The following AKR1B10 variants were observed in gnomAD, a reference collection of about 807,000 sequenced individuals.
AKR1B10 encodes aldo-keto reductase family 1 member B10.
AKR1B10 carries 39 observed loss-of-function variants against 38.9 expected under a neutral mutation model. The ratio of observed to expected loss-of-function variants is 1.00; its 90% CI spans 0.78 to 1.31. The LOEUF is 1.31. Among genes scored for constraint, AKR1B10 ranks in the 50% most tolerant of loss-of-function variants. AKR1B10 has a pLI of 0.00. For synonymous variants in AKR1B10, 148 were observed against 141.2 expected, an observed-to-expected ratio of 1.05 and a Z score of -0.34; for missense variants, 361 against 382.6, an observed-to-expected ratio of 0.94 and a Z score of 0.47.
Position 134,527,701 on chromosome 7 carries a change from C to G in AKR1B10, c.-211C>G, listed in dbSNP as rs1807717746. 1 of 426,714 alleles carries G rather than the reference C, an allele frequency of 2.3e-6. No homozygotes were observed. Among genetic ancestry groups the G allele is most frequent in the African/African-American group, 2.0e-5 (1 of 50,298 alleles). The allele number at this position is 426,714 out of a possible 1,614,324, so 26.4% of individuals were successfully genotyped here. ...TCTCTACTAACAATATAAAAATTAG[C>G]TGGGAGTCACGGTGGGCGCCTGTAA... On this transcript the variant is annotated 5_prime_UTR_variant, in exon 1 of 10. Coordinates refer to ENST00000359579, the MANE Select transcript of AKR1B10 (RefSeq NM_020299.5).
chr7:134,535,597 T>TG (rs982497955), intron 4 of AKR1B10: 43 of 940,616 alleles, frequency 4.6e-5, no homozygotes, highest in South Asian at 4.5e-4. Flanking sequence ...TTTTTTTTTT[T>TG]TTTTTTTTTT....
At chr7:134,532,158 A>T in intron 3 of AKR1B10, 134 bp downstream of exon 3, 1 of 1,089,806 alleles carries the variant, frequency 9.2e-7, no homozygotes, top group Non-Finnish European at 1.4e-6. Flanking sequence ...GCAGGTGGTC[A>T]GGAAGAGACC....
chr7:134,540,791 C>G (rs188656129), intron 9 of AKR1B10, among the ~76,000 whole-genome samples: 1 of 152,138 alleles, frequency 6.6e-6, no homozygotes, highest in Non-Finnish European at 1.5e-5. Flanking sequence ...CCTCGCCTGA[C>G]ACCAGGCTTA....
At position 134,530,696 on chromosome 7, in the gene AKR1B10, T is replaced by C. The variant is rs1807827620; in HGVS notation, c.120T>C (p.Tyr40=). 1 of 1,614,080 alleles carries C rather than the reference T, an allele frequency of 6.2e-7. No homozygotes were observed. Among genetic ancestry groups the C allele is most frequent in the Non-Finnish European group, 8.5e-7 (1 of 1,179,986 alleles). Residue 40 remains tyrosine (Y), a synonymous_variant, in exon 2 of 10, where the codon TAT becomes TAC. Coordinates refer to ENST00000359579, the MANE Select transcript of AKR1B10 (RefSeq NM_020299.5). ...TGAAGGTGGCCATTGATGCAGGATA[T>C]CGGCACATTGACTGTGCCTATGTCT... is the stretch of plus-strand genomic sequence containing the variant. ...EAVKVAIDAG[Y]RHIDCAYVYQ...
At position 134,527,580 on chromosome 7, in the gene AKR1B10, C is replaced by G. The variant is rs993086420; in HGVS notation, c.-332C>G. Reference sequence around the variant, plus strand: ...GATAGCAGCAGCCTTCTTAAGCAGCCTGTGGCCGGGCACAGTAGCTCACAC... The same window carrying G: ...GATAGCAGCAGCCTTCTTAAGCAGCGTGTGGCCGGGCACAGTAGCTCACAC... On this transcript the variant is annotated 5_prime_UTR_variant, in exon 1 of 10. Coordinates refer to ENST00000359579, the MANE Select transcript of AKR1B10 (RefSeq NM_020299.5). 3 of 178,500 alleles carry G rather than the reference C, an allele frequency of 1.7e-5. No individual in the cohort carries two copies. Among genetic ancestry groups the G allele is most frequent in the Admixed American group, 5.7e-5 (1 of 17,402 alleles). 11.1% of individuals were successfully genotyped at this position (178,500 alleles called of 1,614,324 possible).
In AKR1B10 at chr7:134,531,913, G is replaced by A. The variant is rs953989764; in HGVS notation, c.240G>A (p.Trp80Ter). The change falls in exon 3 of 10, where the codon TGG (tryptophan) becomes TGA (stop). Residue 80 changes from tryptophan (W) to a stop codon, truncating the protein, a stop_gained. Coordinates refer to ENST00000359579, the MANE Select transcript of AKR1B10 (RefSeq NM_020299.5). LOFTEE classifies it high-confidence loss of function. ...REDLFIVSKL[W>*]PTFFERPLVR... is the part of the protein sequence containing the mutation. ...CATTGCTACACTCTTTGCAGTTGTG[G>A]CCCACTTTCTTTGAGAGACCCCTTG... The A allele has an allele frequency of 1.8e-5, 29 of 1,613,924 alleles. No homozygotes were observed. Among genetic ancestry groups the A allele is most frequent in the African/African-American group, 9.3e-5 (7 of 74,904 alleles).
rs749793239 is a variant in AKR1B10, at chr7:134,538,920, C to T, written c.826-15C>T. On this transcript the variant is annotated splice_polypyrimidine_tract_variant and intron_variant, in intron 8 of 9. Transcript: ENST00000359579. ...TGGCCTTACTGATGATGTATTGGAA[C>T]TCCTACCTTTCCAGGTCTTTGACTT... 1.9e-6 allele frequency: 3 copies of T among 1,614,006 alleles called. No homozygotes were observed. In the South Asian group the frequency reaches 3.3e-5, roughly 18 times the overall value.
chr7:134,539,217 C>T, intron 9 of AKR1B10, 200 bp downstream of exon 9: 1 of 629,416 alleles, frequency 1.6e-6, no homozygotes, highest in South Asian at 2.0e-5. Flanking sequence ...GTCTGAACTT[C>T]TGGATGTAGA....
At chr7:134,531,811 G>A in intron 2 of AKR1B10, 97 bp from the exon 3 acceptor site, 3 of 1,386,062 alleles carry the variant, frequency 2.2e-6, no homozygotes, top group South Asian at 1.2e-5. Context: ...GCTTGTGGTG[G>A]GTTAGATGAG....
Position 134,536,647 on chromosome 7 carries a change from T to C in AKR1B10, c.430-3T>C, listed in dbSNP as rs1219932934. On this transcript the variant is annotated splice_polypyrimidine_tract_variant and splice_region_variant and intron_variant, in intron 4 of 9. Transcript: ENST00000359579. The stretch of plus-strand genomic sequence containing the variant: ...GCCCATAAGGTATTCCTTTCTATGA[T>C]AGGCCATGGAGGAGCTGGTGGATGA... The C allele has an allele frequency of 1.5e-5, 25 of 1,613,760 alleles. No individual in the cohort carries two copies. Among genetic ancestry groups the C allele is most frequent in the Middle Eastern group, 1.7e-4 (1 of 6,048 alleles).
intron 4 of AKR1B10, among the ~76,000 whole-genome samples, chr7:134,535,142 T>TA (rs1157977875): frequency 2.0e-5 from 3 of 152,158 alleles, no homozygotes; most frequent in African/African-American, 7.2e-5. Context: ...TCCAGCTAAT[T>TA]AAAAAAATTT....
intron 8 of AKR1B10, among the ~76,000 whole-genome samples, chr7:134,538,552 C>A (rs1007747547): frequency 6.6e-6 from 1 of 152,180 alleles, no homozygotes; most frequent in South Asian, 2.1e-4. Context: ...TGCCCCTGAG[C>A]AGCTAGGCCC....
rs1808065950 is a variant in AKR1B10 at position 134,538,289 on chromosome 7, G to T, written c.825+12G>T. Reference sequence around the variant, plus strand: ...TTGAGAACATTCAGGTAAGTTTCCGGCTGGTCGGCCCTGGTATTCCTCAGT... The same window carrying T: ...TTGAGAACATTCAGGTAAGTTTCCGTCTGGTCGGCCCTGGTATTCCTCAGT... On this transcript the variant is annotated intron_variant, in intron 8 of 9. Transcript: ENST00000359579. 1 of 1,612,532 alleles carries T rather than the reference G, an allele frequency of 6.2e-7. No individual in the cohort carries two copies. Among genetic ancestry groups the T allele is most frequent in the African/African-American group, 1.3e-5 (1 of 74,980 alleles).
chr7:134,533,102 A>T (rs746532608), intron 4 of AKR1B10, 21 bp downstream of exon 4: 40 of 1,570,750 alleles, frequency 2.5e-5, no homozygotes, highest in Non-Finnish European at 2.9e-5. Flanking sequence ...AGCTTCCTCT[A>T]AGTGTGCTGG....
At position 134,536,812 on chromosome 7, in the gene AKR1B10, T is replaced by C; in HGVS notation, c.552+40T>C. 3 of 1,611,794 alleles carry C rather than the reference T, an allele frequency of 1.9e-6. No individual in the cohort carries two copies. In the South Asian group the frequency reaches 3.3e-5, roughly 18 times the overall value. On this transcript the variant is annotated intron_variant, in intron 5 of 9. Transcript: ENST00000359579. ...GTTTAAGGGTAAGGGTCCTGCCCTA[T>C]TACTTCTTAAACATTGCGGGAGGAA...
At chr7:134,531,719 A>C (rs1265285345) in intron 2 of AKR1B10, among the ~76,000 whole-genome samples, 189 bp from the exon 3 acceptor site, 7 of 152,196 alleles carry the variant, frequency 4.6e-5, no homozygotes, top group Non-Finnish European at 1.0e-4. Context: ...TGCTTTTAAC[A>C]CTTAAGACAT....
chr7:134,536,492 T>G (rs1179514247), intron 4 of AKR1B10, among the ~76,000 whole-genome samples, 158 bp from the exon 5 acceptor site: 2 of 152,198 alleles, frequency 1.3e-5, no homozygotes, highest in Non-Finnish European at 2.9e-5. Context: ...CAGTCACTGA[T>G]GGGCACCCAG....
intron 9 of AKR1B10, among the ~76,000 whole-genome samples, chr7:134,539,819 T>G (rs547619520): frequency 6.6e-6 from 1 of 152,358 alleles, no homozygotes; most frequent in East Asian, 1.9e-4. Context: ...ATAATGTATC[T>G]AATTAAATGT....
Position 134,527,726 on chromosome 7 carries a change from A to AAT in AKR1B10, c.-186_-185insAT. 2 of 523,242 alleles carry AAT rather than the reference A, an allele frequency of 3.8e-6. No individual in the cohort carries two copies. The highest frequency in any genetic ancestry group is 3.1e-6 in the Non-Finnish European group (1 of 327,552). 32.4% of individuals were successfully genotyped at this position (523,242 alleles called of 1,614,324 possible). ...CTGGGAGTCACGGTGGGCGCCTGTA[A>AAT]TCCCAGCTACTCGGGAGGCTGAGGC... On this transcript the variant is annotated 5_prime_UTR_variant, in exon 1 of 10. Coordinates refer to ENST00000359579, the MANE Select transcript of AKR1B10 (RefSeq NM_020299.5).
Sources: allele counts gnomAD v4.1 joint callset (sites outside exome capture counted in the v4.1 genomes callset), GRCh38; gene constraint gnomAD v4.1.1; transcripts MANE v1.5; gene names NCBI Gene and HGNC (gene_info 2026-07-23, HGNC 2026-07-21).